PARVA: variants seen among roughly 807,000 people sequenced by gnomAD.
PARVA encodes parvin alpha.
PARVA carries 25 observed loss-of-function variants against 52.6 expected under a neutral mutation model. That is an observed-to-expected ratio of 0.48 (90% CI 0.35 to 0.66). The LOEUF (loss-of-function observed/expected upper bound fraction) is 0.66. Among genes scored for constraint, PARVA ranks in the 30% least tolerant of loss-of-function variants. PARVA has a pLI of 0.01. For missense variants in PARVA, 373 were observed against 450.9 expected (o/e 0.83, Z 1.56); for synonymous variants, 185 against 179.1 (o/e 1.03, Z -0.26).
intron 4 of PARVA, among the ~76,000 whole-genome samples, chr11:12,489,892 A>G (rs2135053698): frequency 6.6e-6 from 1 of 152,292 alleles, no homozygotes; most frequent in Non-Finnish European, 1.5e-5. Context: ...TACACAGCCA[A>G]AAAAACTGTT....
rs1940221885 is a variant in PARVA at position 12,425,710 on chromosome 11, G to A, written c.136+47927G>A. On this transcript the variant is annotated intron_variant, in intron 1 of 12. Transcript: ENST00000334956. ...TCTCATATGTCTAATATCCCTGTAG[G>A]GATGGGGCGGAGGGAGATCTGAAGT... 2.6e-5 allele frequency among the ~76,000 whole-genome samples: 4 copies of A among 152,100 alleles called. 1 individual carries two copies. The highest frequency in any genetic ancestry group is 9.7e-5 in the African/African-American group (4 of 41,414).
chr11:12,466,651 A>G lies in PARVA; in HGVS notation c.137-7094A>G, dbSNP rs1263241851. On this transcript the variant is annotated intron_variant, in intron 1 of 12. Transcript: ENST00000334956. ...AGCCCAACTCACCAAGTTTTCTTTC[A>G]TTGATTATCCTTTTGGTGTTGTATC... 3.9e-5 allele frequency among the ~76,000 whole-genome samples: 6 copies of G among 152,062 alleles called. No homozygotes were observed. In the East Asian group the frequency reaches 5.8e-4, roughly 15 times the overall value.
intron 6 of PARVA, among the ~76,000 whole-genome samples, chr11:12,508,131 A>T (rs1941459352): frequency 6.6e-6 from 1 of 151,428 alleles, no homozygotes; most frequent in Admixed American, 6.6e-5. Context: ...AACCAAAAAA[A>T]AAAACCCTCT....
intron 12 of PARVA, among the ~76,000 whole-genome samples, chr11:12,527,563 AC>A (rs1262910823): frequency 6.6e-6 from 1 of 151,816 alleles, no homozygotes; most frequent in Non-Finnish European, 1.5e-5. Flanking sequence ...CCTTTTCACC[AC>A]CCATGGTTGG....
At chr11:12,458,335 AGCATGGCCT>A (rs1428968638) in intron 1 of PARVA, among the ~76,000 whole-genome samples, 1 of 152,236 alleles carries the variant, frequency 6.6e-6, no homozygotes, top group African/African-American at 2.4e-5. Context: ...CTGCCCAGCC[AGCATGGCCT>A]GCATTTTCTC....
Position 12,463,976 on chromosome 11 carries a change from C to CTTT in PARVA, c.137-9755_137-9753dup, listed in dbSNP as rs71037069. Among the ~76,000 whole-genome samples the CTTT allele has an allele frequency of 7.2e-3, 975 of 135,500 alleles. 22 individuals carry two copies. The highest frequency in any genetic ancestry group is 0.021 in the African/African-American group (761 of 36,422). The allele number at this position is 135,500 out of a possible 152,430, so 88.9% of individuals were successfully genotyped here. On this transcript the variant is annotated intron_variant, in intron 1 of 12. Transcript: ENST00000334956. ...CTCCTGTGAGCCTCTGACATCCCTCCTTTTTTTTTTTTTTTTCCTGAGTAC... is the reference window on the plus strand; with the variant it reads ...CTCCTGTGAGCCTCTGACATCCCTCCTTTTTTTTTTTTTTTTTTTCCTGAGTAC...
At chr11:12,492,834 TAC>T (rs35906710) in intron 4 of PARVA, among the ~76,000 whole-genome samples, 12 of 150,080 alleles carry the variant, frequency 8.0e-5, no homozygotes, top group Middle Eastern at 3.4e-3. Flanking sequence ...TAGTAATACA[TAC>T]ACACACACAC....
Position 12,407,485 on chromosome 11 carries a change from G to C in PARVA, c.136+29702G>C, listed in dbSNP as rs114482509. 5.9e-3 allele frequency among the ~76,000 whole-genome samples: 898 copies of C among 152,330 alleles called. 10 individuals carry two copies. Among genetic ancestry groups the C allele is most frequent in the African/African-American group, 0.021 (863 of 41,580 alleles). On this transcript the variant is annotated intron_variant, in intron 1 of 12. Transcript: ENST00000334956. Reference sequence around the variant, plus strand: ...TAATGTTTCATTTAAAAGATGCCCAGTAAACAGTTCTTTCCAGCCAGCTTT... The same window carrying C: ...TAATGTTTCATTTAAAAGATGCCCACTAAACAGTTCTTTCCAGCCAGCTTT...
At chr11:12,515,236 T>C (rs1198550069) in intron 10 of PARVA, among the ~76,000 whole-genome samples, 2 of 152,240 alleles carry the variant, frequency 1.3e-5, no homozygotes, top group African/African-American at 2.4e-5. Flanking sequence ...ATGAATCCTG[T>C]TTCCCCACCT....
chr11:12,435,166 C>T (rs1432026924), intron 1 of PARVA, among the ~76,000 whole-genome samples: 2 of 152,234 alleles, frequency 1.3e-5, no homozygotes, highest in Non-Finnish European at 2.9e-5. Context: ...TCTCTCTCTT[C>T]AGCTGCCTGC....
In PARVA at chr11:12,529,243, G is replaced by A. The variant is rs887456792; in HGVS notation, c.*1318G>A. 5 of 152,306 alleles carry A rather than the reference G, an allele frequency of 3.3e-5. No individual in the cohort carries two copies. Among genetic ancestry groups the A allele is most frequent in the African/African-American group, 1.2e-4 (5 of 41,564 alleles). The allele number at this position is 152,306 out of a possible 1,614,324, so 9.4% of individuals were successfully genotyped here. ...GTTACTCAAGGGCTTGTGGTTACTT[G>A]TATCTCCTCTATGTGAACTTGACTT... On this transcript the variant is annotated 3_prime_UTR_variant, in exon 13 of 13. Transcript: ENST00000334956.
chr11:12,423,764 A>G (rs1940187216), intron 1 of PARVA, among the ~76,000 whole-genome samples: 1 of 152,286 alleles, frequency 6.6e-6, no homozygotes, highest in African/African-American at 2.4e-5. Context: ...TTTGTTTGCC[A>G]TGTCCTCAGG....
At chr11:12,491,231 C>A (rs1382276981) in intron 4 of PARVA, among the ~76,000 whole-genome samples, 1 of 152,190 alleles carries the variant, frequency 6.6e-6, no homozygotes. Flanking sequence ...GGCACAATCA[C>A]AGCCGACTGT....
At position 12,417,345 on chromosome 11, in the gene PARVA, C is replaced by T. The variant is rs920126222; in HGVS notation, c.136+39562C>T. Among the ~76,000 whole-genome samples, 8 of 151,888 alleles carry T rather than the reference C, an allele frequency of 5.3e-5. No homozygotes were observed. The South Asian group carries it at 6.2e-4, about 12-fold the overall frequency. On this transcript the variant is annotated intron_variant, in intron 1 of 12. Transcript: ENST00000334956. ...AAATACTGTAACATTAAAAATATAC[C>T]GCAGTTCTATATTATTTTCTGGAAT...
intron 12 of PARVA, among the ~76,000 whole-genome samples, chr11:12,518,823 G>A (rs931227564): frequency 5.9e-5 from 9 of 152,326 alleles, no homozygotes; most frequent in Admixed American, 3.9e-4. Context: ...CCTGCACAGG[G>A]TGCTGACCTG....
At chr11:12,457,879 T>C (rs1203204005) in intron 1 of PARVA, among the ~76,000 whole-genome samples, 1 of 152,216 alleles carries the variant, frequency 6.6e-6, no homozygotes, top group Non-Finnish European at 1.5e-5. Context: ...GCCTTTGCCA[T>C]GAAGCCCTCC....
At chr11:12,509,414 C>G (rs1408359207) in intron 7 of PARVA, among the ~76,000 whole-genome samples, 4 of 152,188 alleles carry the variant, frequency 2.6e-5, no homozygotes, top group African/African-American at 9.7e-5. Flanking sequence ...TCAGTTGCCC[C>G]ACCCAGAGAG....
In PARVA at chr11:12,530,288, A is replaced by G. The variant is rs1325321189; in HGVS notation, c.*2363A>G. 4 of 152,138 alleles carry G rather than the reference A, an allele frequency of 2.6e-5. No homozygotes were observed. The highest frequency in any genetic ancestry group is 9.7e-5 in the African/African-American group (4 of 41,424). The allele number at this position is 152,138 out of a possible 1,614,324, so 9.4% of individuals were successfully genotyped here. ...TGCTGTCATCTCAGTTCGATATTTT[A>G]CTTTAGAACCTGGAATCTCCTACTT... On this transcript the variant is annotated 3_prime_UTR_variant, in exon 13 of 13. Transcript: ENST00000334956.
chr11:12,436,740 C>T (rs1940393210), intron 1 of PARVA, among the ~76,000 whole-genome samples: 1 of 151,908 alleles, frequency 6.6e-6, no homozygotes, highest in Non-Finnish European at 1.5e-5. Flanking sequence ...GTTGCTGGAA[C>T]CAGACCCTGA....
Sources: allele counts gnomAD v4.1 joint callset (sites outside exome capture counted in the v4.1 genomes callset), GRCh38; gene constraint gnomAD v4.1.1; transcripts MANE v1.5; gene names NCBI Gene and HGNC (gene_info 2026-07-23, HGNC 2026-07-21).